Variants in NKAIN2 observed in about 807,000 individuals in gnomAD.
NKAIN2 encodes sodium/potassium transporting ATPase interacting 2.
In NKAIN2, 14 loss-of-function variants were observed where a neutral mutation model predicts 32.6. The observed-to-expected ratio is 0.43, with a 90% CI of 0.28 to 0.67. The LOEUF is 0.67. NKAIN2 is among the 30% of genes least tolerant of loss of function. NKAIN2 has a pLI of 0.17. For missense variants in NKAIN2, 198 were observed against 258.3 expected, an observed-to-expected ratio of 0.77 and a Z score of 1.60; for synonymous variants, 80 against 87.2, an observed-to-expected ratio of 0.92 and a Z score of 0.46.
chr6:124,205,495 G>C (rs572045834), intron 1 of NKAIN2, among the ~76,000 whole-genome samples: 2 of 151,678 alleles, frequency 1.3e-5, no homozygotes, highest in South Asian at 4.2e-4. Flanking sequence ...ATCTCTCCAA[G>C]AAGTATCCCA....
At position 124,266,027 on chromosome 6, in the gene NKAIN2, A is replaced by C. The variant is rs896986199; in HGVS notation, c.55-16978A>C. On this transcript the variant is annotated intron_variant, in intron 1 of 6. Coordinates refer to ENST00000368417, the MANE Select transcript of NKAIN2 (RefSeq NM_001040214.3). ...TAGGAGGCAATACCATTATTTCTAG[A>C]CTTAGTTATGATTTTTATTCTGTCT... is the stretch of plus-strand genomic sequence containing the variant. Among the ~76,000 whole-genome samples the C allele has an allele frequency of 3.4e-4, 52 of 152,268 alleles. 1 individual carries two copies. The highest frequency in any genetic ancestry group is 1.3e-3 in the African/African-American group (52 of 41,562).
At chr6:124,100,175 G>T (rs1473560511) in intron 1 of NKAIN2, among the ~76,000 whole-genome samples, 4 of 152,160 alleles carry the variant, frequency 2.6e-5, no homozygotes, top group Non-Finnish European at 5.9e-5. Context: ...AAGATTTCCT[G>T]ATCCTTGAGA....
At chr6:124,549,575 A>G (rs1583424120) in intron 3 of NKAIN2, among the ~76,000 whole-genome samples, 1 of 152,196 alleles carries the variant, frequency 6.6e-6, no homozygotes, top group African/African-American at 2.4e-5. Context: ...GAACTTATTC[A>G]GTGTTTTCAC....
chr6:124,295,321 A>G (rs569810422), intron 2 of NKAIN2, among the ~76,000 whole-genome samples: 24 of 152,022 alleles, frequency 1.6e-4, no homozygotes, highest in African/African-American at 5.5e-4. Context: ...TACTATTATC[A>G]TTCTATTTTT....
intron 2 of NKAIN2, among the ~76,000 whole-genome samples, chr6:124,309,596 T>C (rs529867418): frequency 6.6e-6 from 1 of 152,280 alleles, no homozygotes; most frequent in African/African-American, 2.4e-5. Context: ...ACTTGCAATG[T>C]ATGTCTTTAT....
chr6:124,013,839 GA>G (rs1780447130), intron 1 of NKAIN2, among the ~76,000 whole-genome samples: 1 of 152,152 alleles, frequency 6.6e-6, no homozygotes, highest in Non-Finnish European at 1.5e-5. Flanking sequence ...TTCTGGCTTT[GA>G]AAAGGGTAGA....
chr6:123,872,483 C>G (rs141453309), intron 1 of NKAIN2, among the ~76,000 whole-genome samples: 1,555 of 152,322 alleles, frequency 0.01, 10 homozygotes, highest in Non-Finnish European at 0.016. Context: ...TGAGGTACCT[C>G]TCTATGGAAA....
intron 3 of NKAIN2, among the ~76,000 whole-genome samples, chr6:124,371,693 C>CA (rs10679200): frequency 0.24 from 22,644 of 95,604 alleles, 2,837 homozygotes; most frequent in Admixed American, 0.33. Context: ...GACTCTGTCT[C>CA]AAAAAAAAAA....
intron 2 of NKAIN2, among the ~76,000 whole-genome samples, chr6:124,333,917 C>A (rs1226386281): frequency 6.6e-6 from 1 of 152,064 alleles, no homozygotes; most frequent in East Asian, 1.9e-4. Flanking sequence ...CCAAAATATG[C>A]ATAACTTAAA....
chr6:124,328,504 C>G (rs1263560143), intron 2 of NKAIN2, among the ~76,000 whole-genome samples: 1 of 152,152 alleles, frequency 6.6e-6, no homozygotes. Flanking sequence ...CATGTATCAG[C>G]TACCCTGGGA....
intron 1 of NKAIN2, among the ~76,000 whole-genome samples, chr6:124,112,406 A>G (rs1785426705): frequency 1.3e-5 from 2 of 151,946 alleles, no homozygotes; most frequent in African/African-American, 2.4e-5. Flanking sequence ...TCTGCCCTAC[A>G]TGGTTTCTGT....
At chr6:124,131,176 CCT>C (rs1786457512) in intron 1 of NKAIN2, among the ~76,000 whole-genome samples, 2 of 152,064 alleles carry the variant, frequency 1.3e-5, no homozygotes, top group South Asian at 4.1e-4. Flanking sequence ...ATACAGTCTT[CCT>C]CTGTCACCCA....
At chr6:123,917,373 T>C (rs1017107190) in intron 1 of NKAIN2, among the ~76,000 whole-genome samples, 4 of 152,146 alleles carry the variant, frequency 2.6e-5, no homozygotes, top group Non-Finnish European at 4.4e-5. Flanking sequence ...TAAAAGTATG[T>C]GTCAAGAACA....
At chr6:123,841,117 T>G (rs1207912879) in intron 1 of NKAIN2, among the ~76,000 whole-genome samples, 1 of 152,102 alleles carries the variant, frequency 6.6e-6, no homozygotes, top group African/African-American at 2.4e-5. Context: ...ACTAAGCAAA[T>G]TGCCTAGTCT....
intron 1 of NKAIN2, among the ~76,000 whole-genome samples, chr6:124,270,757 G>A (rs756349961): frequency 1.3e-5 from 2 of 152,080 alleles, no homozygotes; most frequent in African/African-American, 2.4e-5. Flanking sequence ...CCATGTATTG[G>A]TAATGTTAGC....
intron 3 of NKAIN2, among the ~76,000 whole-genome samples, chr6:124,621,327 C>A (rs1783099612): frequency 6.6e-6 from 1 of 152,200 alleles, no homozygotes; most frequent in Non-Finnish European, 1.5e-5. Flanking sequence ...TATCAAGACA[C>A]TTTGGGTTAA....
chr6:124,017,820 T>C (rs545580999), intron 1 of NKAIN2, among the ~76,000 whole-genome samples: 1 of 152,184 alleles, frequency 6.6e-6, no homozygotes, highest in African/African-American at 2.4e-5. Context: ...GGCATTTAGT[T>C]TCTGTGGCTT....
intron 1 of NKAIN2, among the ~76,000 whole-genome samples, chr6:123,976,371 C>CATATA (rs1778616915): frequency 1.8e-4 from 1 of 5,452 alleles, no homozygotes; most frequent in Non-Finnish European, 5.1e-4. Context: ...ATATATATTC[C>CATATA]CATATATATA....
At chr6:124,402,640 T>C (rs1019436649) in intron 3 of NKAIN2, among the ~76,000 whole-genome samples, 2 of 152,344 alleles carry the variant, frequency 1.3e-5, no homozygotes, top group Admixed American at 1.3e-4. Flanking sequence ...AACAATGTCA[T>C]GTCCTTTGCA....
Sources: gnomAD v4.1 joint callset for allele counts (sites outside exome capture counted in the v4.1 genomes callset) on GRCh38, gnomAD v4.1.1 for gene constraint, MANE v1.5 for transcripts, NCBI Gene and HGNC (gene_info 2026-07-23, HGNC 2026-07-21) for gene names.